Variants in CSMD1 observed in about 807,000 individuals in gnomAD.
CSMD1 encodes the protein CUB and Sushi multiple domains 1, also known as CUB and sushi domain-containing protein 1.
CSMD1 carries 213 observed loss-of-function variants against 417.5 expected under a neutral mutation model. The observed-to-expected ratio is 0.51, with a 90% CI of 0.46 to 0.57. The LOEUF (loss-of-function observed/expected upper bound fraction) is 0.57, where lower values mean the gene tolerates loss of function less well. CSMD1 is among the 20% of genes least tolerant of loss of function. The pLI, the probability that CSMD1 is intolerant of heterozygous loss-of-function variation, is 0.00. For synonymous variants in CSMD1, 2,862 were observed against 1,736.8 expected, an observed-to-expected ratio of 1.65 and a Z score of -16.11; for missense variants, 6,923 against 4,529.7, an observed-to-expected ratio of 1.53 and a Z score of -15.17.
intron 5 of CSMD1, among the ~76,000 whole-genome samples, chr8:3,934,725 C>G (rs138783163): frequency 1.3e-5 from 2 of 151,948 alleles, no homozygotes; most frequent in African/African-American, 4.8e-5. Context: ...CATGGTGGTG[C>G]ACTCCCAGCT....
At chr8:4,544,942 G>C (rs1372073822) in intron 2 of CSMD1, among the ~76,000 whole-genome samples, 1 of 152,178 alleles carries the variant, frequency 6.6e-6, no homozygotes, top group Non-Finnish European at 1.5e-5. Context: ...TATTTGAGAA[G>C]TTTAAAAACA....
chr8:3,734,222 A>G (rs1478208972), intron 6 of CSMD1, among the ~76,000 whole-genome samples: 1 of 152,174 alleles, frequency 6.6e-6, no homozygotes, highest in Non-Finnish European at 1.5e-5. Context: ...TCACGATGAG[A>G]ATGGGAGCCT....
chr8:3,774,469 G>A lies in CSMD1; in HGVS notation c.819-20427C>T, dbSNP rs78232026. On this transcript the variant is annotated intron_variant, in intron 5 of 69. Coordinates refer to ENST00000635120, the MANE Select transcript of CSMD1 (RefSeq NM_033225.6). Reference sequence around the variant, plus strand: ...TGCCTAATGTGTGCTTTGTTGCCTGGCTCATAGGACAGAGAGACGGTTAAA... The same window carrying A: ...TGCCTAATGTGTGCTTTGTTGCCTGACTCATAGGACAGAGAGACGGTTAAA... Among the ~76,000 whole-genome samples the A allele has an allele frequency of 8.7e-3, 1,322 of 152,228 alleles. 15 individuals carry two copies. The highest frequency in any genetic ancestry group is 0.024 in the South Asian group (114 of 4,814).
intron 5 of CSMD1, among the ~76,000 whole-genome samples, chr8:3,879,554 T>C (rs1806065174): frequency 2.0e-5 from 3 of 152,210 alleles, no homozygotes; most frequent in Admixed American, 2.0e-4. Flanking sequence ...TACTTTGTCA[T>C]TCTCTATTGA....
At chr8:3,301,472 AATG>A (rs1252791892) in intron 25 of CSMD1, among the ~76,000 whole-genome samples, 1 of 152,198 alleles carries the variant, frequency 6.6e-6, no homozygotes, top group Non-Finnish European at 1.5e-5. Context: ...GATGAAGAGA[AATG>A]ATGAGATCAG....
In CSMD1 at chr8:4,241,315, C is replaced by G. The variant is rs567900563; in HGVS notation, c.415+178638G>C. ...CTTTACCTGCTGTAACCCCCTGGAA[C>G]ATATTTCACGCCTTTGCCTATTTTT... On this transcript the variant is annotated intron_variant, in intron 3 of 69. Transcript: ENST00000635120. Among the ~76,000 whole-genome samples, 8 of 152,222 alleles carry G rather than the reference C, an allele frequency of 5.3e-5. No individual in the cohort carries two copies. The South Asian group carries it at 1.7e-3, about 32-fold the overall frequency.
chr8:4,342,199 CTG>C (rs753008421), intron 3 of CSMD1, among the ~76,000 whole-genome samples: 1 of 12,508 alleles, frequency 8.0e-5, no homozygotes, highest in African/African-American at 2.2e-4. Flanking sequence ...GGCAGCAGTG[CTG>C]TGTCTGTGTG....
chr8:3,523,954 C>A (rs893104424), intron 10 of CSMD1, among the ~76,000 whole-genome samples: 1 of 151,428 alleles, frequency 6.6e-6, no homozygotes, highest in Non-Finnish European at 1.5e-5. Context: ...CGTGCATACA[C>A]ATGCACACTT....
chr8:4,043,864 G>C (rs992196075), intron 3 of CSMD1, among the ~76,000 whole-genome samples: 5 of 152,144 alleles, frequency 3.3e-5, no homozygotes, highest in African/African-American at 4.8e-5. Flanking sequence ...ATGAGACACA[G>C]AGAGGCTAAG....
At chr8:3,931,861 G>C (rs1288968969) in intron 5 of CSMD1, among the ~76,000 whole-genome samples, 2 of 147,304 alleles carry the variant, frequency 1.4e-5, no homozygotes, top group Non-Finnish European at 3.0e-5. Context: ...AGTTGCAAAG[G>C]GAGAAGTGAT....
At position 3,769,583 on chromosome 8, in the gene CSMD1, A is replaced by G. The variant is rs73498863; in HGVS notation, c.819-15541T>C. Among the ~76,000 whole-genome samples the G allele has an allele frequency of 9.5e-3, 1,442 of 152,202 alleles. 30 individuals are homozygous for G. The highest frequency in any genetic ancestry group is 0.033 in the African/African-American group (1,357 of 41,548). ...TGTGCTTTCCTTTACAGATATGTAC[A>G]CGCAGATATAAAAGTGAAGTATCTA... On this transcript the variant is annotated intron_variant, in intron 5 of 69. Transcript: ENST00000635120.
intron 26 of CSMD1, among the ~76,000 whole-genome samples, chr8:3,280,256 G>C (rs113779894): frequency 6.6e-6 from 1 of 152,174 alleles, no homozygotes; most frequent in Non-Finnish European, 1.5e-5. Flanking sequence ...ATGACATCCA[G>C]CGTGGAATTA....
At chr8:4,747,438 C>CT (rs1811032244) in intron 1 of CSMD1, among the ~76,000 whole-genome samples, 1 of 152,220 alleles carries the variant, frequency 6.6e-6, no homozygotes, top group African/African-American at 2.4e-5. Context: ...AAAGGTGGTA[C>CT]TTATGTCAGA....
At chr8:3,773,471 G>C (rs945914455) in intron 5 of CSMD1, among the ~76,000 whole-genome samples, 4 of 152,116 alleles carry the variant, frequency 2.6e-5, no homozygotes, top group African/African-American at 7.2e-5. Context: ...ATTTTTTGTA[G>C]AGATTGGGTC....
intron 3 of CSMD1, among the ~76,000 whole-genome samples, chr8:4,354,865 AGTGTGTGTGTGT>A (rs59255397): frequency 0.015 from 1,987 of 129,490 alleles, 39 homozygotes; most frequent in African/African-American, 0.05. Context: ...AGGAAAATGT[AGTGTGTGTGTGT>A]GTGTGTGTGT....
intron 5 of CSMD1, among the ~76,000 whole-genome samples, chr8:3,832,002 T>C (rs1016790677): frequency 6.6e-6 from 1 of 152,198 alleles, no homozygotes; most frequent in Non-Finnish European, 1.5e-5. Flanking sequence ...CATTTTTTGG[T>C]AAATTTTTAA....
At chr8:3,140,535 C>G (rs557617271) in intron 41 of CSMD1, among the ~76,000 whole-genome samples, 1 of 152,044 alleles carries the variant, frequency 6.6e-6, no homozygotes, top group African/African-American at 2.4e-5. Flanking sequence ...CTTTTTTGCT[C>G]CTACCTAGAT....
At chr8:3,157,544 T>A (rs763367140) in intron 39 of CSMD1, among the ~76,000 whole-genome samples, 1 of 152,244 alleles carries the variant, frequency 6.6e-6, no homozygotes, top group Non-Finnish European at 1.5e-5. Flanking sequence ...GCTAAAGGTC[T>A]ATACAGAAAA....
At chr8:3,370,207 C>G (rs1050278901) in intron 18 of CSMD1, among the ~76,000 whole-genome samples, 1 of 152,162 alleles carries the variant, frequency 6.6e-6, no homozygotes, top group Non-Finnish European at 1.5e-5. Flanking sequence ...AATATTGACA[C>G]GTTCCCGCCA....
Sources: allele counts gnomAD v4.1 joint callset (sites outside exome capture counted in the v4.1 genomes callset), GRCh38; gene constraint gnomAD v4.1.1; transcripts MANE v1.5; gene names NCBI Gene and HGNC (gene_info 2026-07-23, HGNC 2026-07-21).